The following TERB1 variants were observed in gnomAD, a reference collection of about 807,000 sequenced individuals.
The protein encoded by TERB1 is telomere repeat binding bouquet formation protein 1.
A neutral mutation model predicts 92.3 loss-of-function variants in TERB1; 63 were observed. That is an observed-to-expected ratio of 0.68 (90% CI 0.56 to 0.84). The LOEUF is 0.84. TERB1 is among the 40% of genes least tolerant of loss of function. The pLI is 0.00. For missense variants in TERB1, 709 were observed against 843.7 expected (o/e 0.84, Z 1.98); for synonymous variants, 252 against 283.9 (o/e 0.89, Z 1.13).
intron 10 of TERB1, among the ~76,000 whole-genome samples, chr16:66,778,313 G>GATATGTTGAGGCCAA (rs1290478666): frequency 1.3e-5 from 2 of 151,588 alleles, no homozygotes; most frequent in African/African-American, 4.9e-5. Context: ...TGACCAAGCT[G>GATATGTTGAGGCCAA]GTCTCAAACT....
At chr16:66,778,750 T>A (rs363161) in intron 10 of TERB1, 113 bp downstream of exon 10, 368,456 of 836,996 alleles carry the variant, frequency 0.44, 84,889 homozygotes, top group African/African-American at 0.64. Context: ...TCCTTCCACC[T>A]GTGAGAAACT....
intron 3 of TERB1, among the ~76,000 whole-genome samples, chr16:66,795,391 T>C (rs1200235592): frequency 6.6e-6 from 1 of 152,210 alleles, no homozygotes; most frequent in Non-Finnish European, 1.5e-5. Context: ...TAAGCTCCAG[T>C]TACCCATAAT....
chr16:66,799,967 ACT>A (rs1283937330), intron 2 of TERB1: 2 of 152,286 alleles, frequency 1.3e-5, no homozygotes, highest in East Asian at 3.9e-4. Flanking sequence ...TACACGTTTC[ACT>A]CAACCCACTC....
At chr16:66,763,619 AG>A (rs1450803408) in intron 16 of TERB1, among the ~76,000 whole-genome samples, 3 of 152,216 alleles carry the variant, frequency 2.0e-5, no homozygotes, top group Non-Finnish European at 2.9e-5. Flanking sequence ...CAATAGGGTT[AG>A]AAAAACTCCC....
chr16:66,759,206 T>C lies in TERB1; in HGVS notation c.1865A>G (p.Lys622Arg), dbSNP rs568417765. ...HSCPYQCDRH[K>R]VIVEAEDRYK... ...TCTGTCTTCAGCTTCCACAATGACT[T>C]TGTGACGATCACATTGGTATGGGCA... Residue 622 changes from lysine (K) to arginine (R), a missense_variant, in exon 17 of 19, where the codon AAA becomes AGA. Lys to Arg is a conservative substitution (Grantham distance 26, BLOSUM62 2). Coordinates refer to ENST00000433154, the MANE Select transcript of TERB1 (RefSeq NM_001136505.2). 2 of 1,550,924 alleles carry C rather than the reference T, an allele frequency of 1.3e-6. No homozygotes were observed. Among genetic ancestry groups the C allele is most frequent in the African/African-American group, 1.4e-5 (1 of 73,128 alleles).
At position 66,796,839 on chromosome 16, in the gene TERB1, T is replaced by TA; in HGVS notation, c.-32-10dup. 1 of 1,345,224 alleles carries TA rather than the reference T, an allele frequency of 7.4e-7. No homozygotes were observed. Among genetic ancestry groups the TA allele is most frequent in the African/African-American group, 1.5e-5 (1 of 68,772 alleles). The allele number at this position is 1,345,224 out of a possible 1,614,324, so 83.3% of individuals were successfully genotyped here. A position where few individuals can be genotyped will look rare whatever the true frequency, so the allele number is the denominator to read the frequency against. ...TTTTCCTTATATTTTGTCTATAAGA[T>TA]AAAGGTATTTTCTCAATTTAAATCA... On this transcript the variant is annotated splice_polypyrimidine_tract_variant and intron_variant, in intron 2 of 18. Coordinates refer to ENST00000433154, the MANE Select transcript of TERB1 (RefSeq NM_001136505.2).
intron 16 of TERB1, 39 bp from the exon 17 acceptor site, chr16:66,759,329 A>T (rs2018191084): frequency 6.9e-7 from 1 of 1,440,938 alleles, no homozygotes; most frequent in Admixed American, 2.7e-5. Context: ...TAGATGTCAC[A>T]AAATATCTAG....
chr16:66,765,831 TCAAA>T (rs1224380513), intron 16 of TERB1, among the ~76,000 whole-genome samples: 3 of 138,980 alleles, frequency 2.2e-5, no homozygotes, highest in Non-Finnish European at 4.6e-5. Flanking sequence ...GGATAGCAAA[TCAAA>T]CAAACTATTG....
Position 66,790,606 on chromosome 16 carries a change from G to A in TERB1, c.260C>T (p.Ala87Val). The part of the protein sequence containing the change: ...EAALYTLGAI[A>V]EKNVYCQQTL... ...GTTTTATATTTTACCATTTTTCTCTGCAATAGCTCCTAATGTATATAAGGC... is the reference window on the plus strand; with the variant it reads ...GTTTTATATTTTACCATTTTTCTCTACAATAGCTCCTAATGTATATAAGGC... The change falls in exon 5 of 19, where the codon GCA (alanine) becomes GTA (valine). Residue 87 changes from alanine (A) to valine (V), a missense_variant. Coordinates refer to ENST00000433154, the MANE Select transcript of TERB1 (RefSeq NM_001136505.2). 6.5e-7 allele frequency: 1 copy of A among 1,541,652 alleles called. No individual in the cohort carries two copies. The highest frequency in any genetic ancestry group is 8.8e-7 in the Non-Finnish European group (1 of 1,140,862).
intron 3 of TERB1, among the ~76,000 whole-genome samples, chr16:66,796,198 C>T (rs747317486): frequency 1.4e-4 from 22 of 152,182 alleles, no homozygotes; most frequent in Non-Finnish European, 2.8e-4. Context: ...ATCCTAAATG[C>T]AAAACGCAGT....
At chr16:66,765,017 A>C (rs2018314702) in intron 16 of TERB1, among the ~76,000 whole-genome samples, 1 of 152,230 alleles carries the variant, frequency 6.6e-6, no homozygotes, top group Admixed American at 6.5e-5. Flanking sequence ...TAGTGAAAGA[A>C]CTGCGTAGGT....
At chr16:66,794,088 CT>C (rs2018885137) in intron 3 of TERB1, among the ~76,000 whole-genome samples, 3 of 149,870 alleles carry the variant, frequency 2.0e-5, no homozygotes, top group Admixed American at 2.0e-4. Flanking sequence ...ATACAAGAGA[CT>C]TTTCTTCTCT....
intron 10 of TERB1, 130 bp downstream of exon 10, chr16:66,778,733 T>C: frequency 1.3e-6 from 1 of 782,040 alleles, no homozygotes; most frequent in Non-Finnish European, 1.9e-6. Context: ...GGATACTTTC[T>C]AATACTTCCT....
At chr16:66,777,093 G>A (rs2064491112) in intron 11 of TERB1, 110 bp downstream of exon 11, 2 of 1,031,750 alleles carry the variant, frequency 1.9e-6, no homozygotes, top group South Asian at 1.9e-5. Flanking sequence ...GAATGACTAG[G>A]AGAAAAGCAA....
intron 3 of TERB1, among the ~76,000 whole-genome samples, chr16:66,793,211 GTTTTTTTTTTTTTTTT>G (rs1174263983): frequency 1.1e-5 from 1 of 93,546 alleles, no homozygotes. Flanking sequence ...TTGTGGTTTG[GTTTTTTTTTTTTTTTT>G]TTTTTTTTGA....
intron 2 of TERB1, among the ~76,000 whole-genome samples, chr16:66,797,986 C>T (rs777686303): frequency 2.0e-5 from 3 of 151,512 alleles, no homozygotes; most frequent in Non-Finnish European, 1.5e-5. Context: ...ATTCACAAAA[C>T]TCTAAAATTC....
At chr16:66,793,301 C>G (rs1319823264) in intron 3 of TERB1, among the ~76,000 whole-genome samples, 13 of 144,654 alleles carry the variant, frequency 9.0e-5, no homozygotes, top group Non-Finnish European at 1.6e-4. Flanking sequence ...ACTGCAACCT[C>G]TGCCTCCTAG....
intron 2 of TERB1, among the ~76,000 whole-genome samples, chr16:66,797,438 T>C (rs374791634): frequency 7.2e-5 from 11 of 152,074 alleles, no homozygotes; most frequent in Middle Eastern, 3.4e-3. Context: ...GGTTTCGCCA[T>C]ATTGCCCAGG....
Position 66,755,178 on chromosome 16 carries a change from G to T in TERB1, c.1997-15C>A. 1 of 1,426,542 alleles carries T rather than the reference G, an allele frequency of 7.0e-7. No homozygotes were observed. The highest frequency in any genetic ancestry group is 9.7e-7 in the Non-Finnish European group (1 of 1,035,960). 88.4% of individuals were successfully genotyped at this position (1,426,542 alleles called of 1,614,324 possible). ...TCTTCTTTTTTCTATAATTAGAATT[G>T]TAGAATATATTAGTATTTGCTGAAC... On this transcript the variant is annotated splice_polypyrimidine_tract_variant and intron_variant, in intron 18 of 18. Transcript: ENST00000433154.
Sources: allele counts gnomAD v4.1 joint callset (sites outside exome capture counted in the v4.1 genomes callset), GRCh38; gene constraint gnomAD v4.1.1; transcripts MANE v1.5; gene names NCBI Gene and HGNC (gene_info 2026-07-23, HGNC 2026-07-21).